IKBKE: variants seen among roughly 807,000 people sequenced by gnomAD.
The protein encoded by IKBKE is inhibitor of nuclear factor kappa B kinase subunit epsilon, also known as inhibitor of nuclear factor kappa-B kinase subunit epsilon.
A neutral mutation model predicts 92.1 loss-of-function variants in IKBKE; 45 were observed. The observed-to-expected ratio is 0.49, with a 90% CI of 0.38 to 0.63. The LOEUF is 0.63. IKBKE is among the 20% of genes least tolerant of loss of function. The probability of loss-of-function intolerance (pLI) is 0.00; values close to 1 mark genes in which losing one functional copy is unlikely to be tolerated. For synonymous variants in IKBKE, 374 were observed against 380.3 expected (o/e 0.98, Z 0.19); for missense variants, 700 against 932.8 (o/e 0.75, Z 3.25).
intron 17 of IKBKE, chr1:206,491,192 C>G (rs529677883): frequency 1.6e-5 from 7 of 431,904 alleles, no homozygotes; most frequent in African/African-American, 4.0e-5. Flanking sequence ...TGCCTCCCCC[C>G]GCTCCTCTGT....
rs2103451253 is a variant in IKBKE at position 206,474,960 on chromosome 1, T to C, written c.324T>C (p.Pro108=). Residue 108 remains proline, a synonymous_variant, in exon 5 of 22, where the codon CCT becomes CCC. Coordinates refer to ENST00000581977, the MANE Select transcript of IKBKE (RefSeq NM_014002.4). ...GCCCTGAGAATGCCTTTGGGCTGCCTGAGGATGAGTTCCTGGTGGTGCTGC... is the reference window on the plus strand; with the variant it reads ...GCCCTGAGAATGCCTTTGGGCTGCCCGAGGATGAGTTCCTGGTGGTGCTGC... ...LESPENAFGL[P]EDEFLVVLRC... 6.2e-7 allele frequency: 1 copy of C among 1,614,090 alleles called. No homozygotes were observed. Among genetic ancestry groups the C allele is most frequent in the Non-Finnish European group, 8.5e-7 (1 of 1,180,014 alleles).
intron 5 of IKBKE, among the ~76,000 whole-genome samples, chr1:206,475,428 G>C (rs1665006514): frequency 2.0e-5 from 3 of 152,144 alleles, no homozygotes; most frequent in African/African-American, 7.2e-5. Flanking sequence ...TGTTTAATAA[G>C]TATGGTTTCA....
In IKBKE at chr1:206,476,859, G is replaced by A. The variant is rs782536283; in HGVS notation, c.701+21G>A. 68 of 1,613,608 alleles carry A rather than the reference G, an allele frequency of 4.2e-5. No homozygotes were observed. Among genetic ancestry groups the A allele is most frequent in the Non-Finnish European group, 5.5e-5 (65 of 1,179,676 alleles). On this transcript the variant is annotated intron_variant, in intron 7 of 21. Coordinates refer to ENST00000581977, the MANE Select transcript of IKBKE (RefSeq NM_014002.4). The surrounding 1 kb of genome is among the most constrained non-coding windows in gnomAD (Gnocchi z 5.1). ...ATCATGTACGGTGGGCCACAGGGCA[G>A]GGAATGGGGCGGACTGGCAGTCCCC...
chr1:206,476,450 C>T lies in IKBKE; in HGVS notation c.540+88C>T. On this transcript the variant is annotated intron_variant, in intron 6 of 21. Transcript: ENST00000581977. This position sits in a 1 kb window ranked among gnomAD's most constrained non-coding sequence, Gnocchi z 5.1. ...CCAGAGCCCCCATGAGGGGGTGTGG[C>T]CCACCTCCTGCTTCCACAGGAGTTA... 7.4e-7 allele frequency: 1 copy of T among 1,357,792 alleles called. No homozygotes were observed. The highest frequency in any genetic ancestry group is 2.0e-4 in the Middle Eastern group (1 of 5,118). 84.1% of individuals were successfully genotyped at this position (1,357,792 alleles called of 1,614,324 possible). A position where few individuals can be genotyped will look rare whatever the true frequency, so the allele number is the denominator to read the frequency against.
Position 206,485,227 on chromosome 1 carries a change from A to C in IKBKE, c.1537A>C (p.Ile513Leu), listed in dbSNP as rs2103472356. 1 of 1,613,820 alleles carries C rather than the reference A, an allele frequency of 6.2e-7. No individual in the cohort carries two copies. Among genetic ancestry groups the C allele is most frequent in the African/African-American group, 1.3e-5 (1 of 75,022 alleles). Residue 513 changes from isoleucine to leucine, a missense_variant, in exon 15 of 22, where the codon ATC (isoleucine) becomes CTC (leucine). Physicochemically the swap from Ile to Leu is conservative, Grantham distance 5. Transcript: ENST00000581977. This position sits in a 1 kb window ranked among gnomAD's most constrained non-coding sequence, Gnocchi z 5.0. The part of the protein sequence containing the change: ...AEVLSRCSQN[I>L]TETQESLSSL... ...GGTCCTCTCCAGATGCTCCCAAAAT[A>C]TCACGGAGACCCAGGAGAGCCTGAG...
At position 206,496,418 on chromosome 1, in the gene IKBKE, C is replaced by T. The variant is rs575971875; in HGVS notation, c.*273C>T. On this transcript the variant is annotated 3_prime_UTR_variant, in exon 22 of 22. Transcript: ENST00000581977. Reference sequence around the variant, plus strand: ...GGCTGACCTTTCTATCTTCTCTAGGCTCAGGTACTGCTCCTCCATGCCCAT... The same window carrying T: ...GGCTGACCTTTCTATCTTCTCTAGGTTCAGGTACTGCTCCTCCATGCCCAT... The T allele has an allele frequency of 1.9e-4, 93 of 496,206 alleles. 1 individual carries two copies. The highest frequency in any genetic ancestry group is 1.1e-3 in the Middle Eastern group (2 of 1,884). 30.7% of individuals were successfully genotyped at this position (496,206 alleles called of 1,614,324 possible).
At chr1:206,477,051 T>A (rs1469120196) in intron 7 of IKBKE, among the ~76,000 whole-genome samples, 1 of 152,198 alleles carries the variant, frequency 6.6e-6, no homozygotes, top group Non-Finnish European at 1.5e-5. Context: ...GTGAATATGC[T>A]CTATGTTAGT....
Position 206,482,778 on chromosome 1 carries a change from A to G in IKBKE, c.1428-2219A>G, listed in dbSNP as rs1311048579. Among the ~76,000 whole-genome samples, 4 of 152,210 alleles carry G rather than the reference A, an allele frequency of 2.6e-5. No homozygotes were observed. In the East Asian group the frequency reaches 7.7e-4, roughly 29 times the overall value. ...TGATCTCTGCGGCCTCCCAGCTCCC[A>G]CATGTTGCAAGCCCATTCTTGCCTG... On this transcript the variant is annotated intron_variant, in intron 13 of 21. Transcript: ENST00000581977.
At chr1:206,494,586 T>G (rs1666123557) in intron 21 of IKBKE, among the ~76,000 whole-genome samples, 1 of 142,068 alleles carries the variant, frequency 7.0e-6, no homozygotes, top group Non-Finnish European at 1.5e-5. Context: ...CCAGTAAAAG[T>G]TCTTTCTTTT....
Position 206,476,091 on chromosome 1 carries a change from A to G in IKBKE, c.359-90A>G, listed in dbSNP as rs868968582. On this transcript the variant is annotated intron_variant, in intron 5 of 21. Transcript: ENST00000581977. The surrounding 1 kb of genome is among the most constrained non-coding windows in gnomAD (Gnocchi z 5.1). Reference sequence around the variant, plus strand: ...CCCATGGGAACTCCTGTCTCTCTGGATGCAAGGACAGCCTTCCCACCAAGA... The same window carrying G: ...CCCATGGGAACTCCTGTCTCTCTGGGTGCAAGGACAGCCTTCCCACCAAGA... 1.6e-6 allele frequency: 2 copies of G among 1,255,826 alleles called. No individual in the cohort carries two copies. The highest frequency in any genetic ancestry group is 2.3e-6 in the Non-Finnish European group (2 of 877,678). 77.8% of individuals were successfully genotyped at this position (1,255,826 alleles called of 1,614,324 possible).
chr1:206,474,421 C>T lies in IKBKE; in HGVS notation c.178C>T (p.Arg60Trp), dbSNP rs782526732. Residue 60 changes from arginine (R) to tryptophan (W), a missense_variant, in exon 4 of 22, where the codon CGG becomes TGG. Coordinates refer to ENST00000581977, the MANE Select transcript of IKBKE (RefSeq NM_014002.4). ...EVQVREFEVL[R>W]KLNHQNIVKL... Reference sequence around the variant, plus strand: ...GCAGGTGAGGGAGTTTGAGGTCCTGCGGAAGCTGAACCACCAGAACATTGT... The same window carrying T: ...GCAGGTGAGGGAGTTTGAGGTCCTGTGGAAGCTGAACCACCAGAACATTGT... 1.3e-5 allele frequency: 21 copies of T among 1,613,950 alleles called. No individual in the cohort carries two copies. Among genetic ancestry groups the T allele is most frequent in the African/African-American group, 4.0e-5 (3 of 74,918 alleles).
chr1:206,489,241 T>C (rs1665808910), intron 16 of IKBKE, among the ~76,000 whole-genome samples: 1 of 147,770 alleles, frequency 6.8e-6, no homozygotes, highest in South Asian at 2.1e-4. Context: ...AATTCATATA[T>C]ATATTATTCA....
intron 17 of IKBKE, 92 bp from the exon 18 acceptor site, chr1:206,491,556 T>C: frequency 1.2e-6 from 1 of 868,336 alleles, no homozygotes; most frequent in South Asian, 1.4e-5. Context: ...TACGACAAGG[T>C]GGTGACGGAG....
At chr1:206,492,259 T>C (rs1475238273) in intron 18 of IKBKE, 13 of 368,164 alleles carry the variant, frequency 3.5e-5, no homozygotes, top group Non-Finnish European at 7.1e-5. Flanking sequence ...ACTGTCCCCT[T>C]CAGGAGTTTT....
chr1:206,484,018 G>A (rs1372057456), intron 13 of IKBKE, among the ~76,000 whole-genome samples: 1 of 151,620 alleles, frequency 6.6e-6, no homozygotes, highest in Non-Finnish European at 1.5e-5. Context: ...TTGAACTCCT[G>A]ACCTCAAGCA....
chr1:206,489,119 C>T (rs954178640), intron 16 of IKBKE, among the ~76,000 whole-genome samples: 11 of 151,512 alleles, frequency 7.3e-5, no homozygotes, highest in Admixed American at 1.3e-4. Flanking sequence ...TGCTCACTGT[C>T]GCCTCAACCT....
At position 206,487,639 on chromosome 1, in the gene IKBKE, G is replaced by C. The variant is rs370214229; in HGVS notation, c.1617-275G>C. Among the ~76,000 whole-genome samples, 16 of 152,100 alleles carry C rather than the reference G, an allele frequency of 1.1e-4. No homozygotes were observed. The highest frequency in any genetic ancestry group is 9.6e-4 in the East Asian group (5 of 5,182). Reference sequence around the variant, plus strand: ...ACGTTCCTGTTGCCCGTCCTGCTTGGCTTCCTGTCTCTCTTATCTCCTACT... The same window carrying C: ...ACGTTCCTGTTGCCCGTCCTGCTTGCCTTCCTGTCTCTCTTATCTCCTACT... On this transcript the variant is annotated intron_variant, in intron 15 of 21. Transcript: ENST00000581977. The surrounding 1 kb of genome is among the most constrained non-coding windows in gnomAD (Gnocchi z 5.3).
Position 206,490,694 on chromosome 1 carries a change from G to C in IKBKE, c.1694-125G>C. ...CTCTGCCCCTCCTGCTCCGCTGGGCGGTGAGTTCCCGTGAAGCAGCACAGG... is the reference window on the plus strand; with the variant it reads ...CTCTGCCCCTCCTGCTCCGCTGGGCCGTGAGTTCCCGTGAAGCAGCACAGG... On this transcript the variant is annotated intron_variant, in intron 16 of 21. Transcript: ENST00000581977. The surrounding 1 kb of genome is among the most constrained non-coding windows in gnomAD (Gnocchi z 5.2). 2 of 929,932 alleles carry C rather than the reference G, an allele frequency of 2.2e-6. No homozygotes were observed. The allele number at this position is 929,932 out of a possible 1,614,324, so 57.6% of individuals were successfully genotyped here. A position where few individuals can be genotyped will look rare whatever the true frequency, so the allele number is the denominator to read the frequency against.
At chr1:206,483,764 T>C (rs967018181) in intron 13 of IKBKE, among the ~76,000 whole-genome samples, 4 of 152,200 alleles carry the variant, frequency 2.6e-5, no homozygotes, top group African/African-American at 9.6e-5. Context: ...TTTTCTACTA[T>C]GAGTAAACAT....
Sources: allele counts gnomAD v4.1 joint callset (sites outside exome capture counted in the v4.1 genomes callset), GRCh38; gene constraint gnomAD v4.1.1; non-coding constraint Gnocchi (gnomAD v3.1); transcripts MANE v1.5; gene names NCBI Gene and HGNC (gene_info 2026-07-23, HGNC 2026-07-21).